The following NTNG2 variants were observed in gnomAD, a reference collection of about 807,000 sequenced individuals.
NTNG2 encodes the protein netrin G2, also known as netrin-G2.
In NTNG2, 15 loss-of-function variants were observed where a neutral mutation model predicts 47.6. The ratio of observed to expected loss-of-function variants is 0.32; its 90% confidence interval spans 0.21 to 0.49. The LOEUF is 0.49. Ranked by LOEUF, NTNG2 falls within the 20% of genes least tolerant of loss-of-function variation. The probability of loss-of-function intolerance (pLI) is 0.99; values close to 1 mark genes in which losing one functional copy is unlikely to be tolerated. For synonymous variants in NTNG2, 307 were observed against 324.6 expected (o/e 0.95, Z 0.58); for missense variants, 578 against 764.6 (o/e 0.76, Z 2.88).
rs1418883512 is a variant in NTNG2 at position 132,242,025 on chromosome 9, G to A, written c.1507G>A (p.Asp503Asn). ...CGACGATGACGGCGGTCTGGACTGC[G>A]ACCGCGCGCCCGGGGCCGCCCCGCG... ...PADDDGGLDC[D>N]RAPGAAPRPA... Residue 503 changes from aspartate to asparagine, a missense_variant, in exon 8 of 8, where the codon GAC becomes AAC. Transcript: ENST00000393229. The surrounding 1 kb of genome is among the most constrained non-coding windows in gnomAD (Gnocchi z 5.9). 3.0e-6 allele frequency: 4 copies of A among 1,343,784 alleles called. No homozygotes were observed. In the African/African-American group the frequency reaches 6.2e-5, roughly 21 times the overall value. 83.2% of individuals were successfully genotyped at this position (1,343,784 alleles called of 1,614,324 possible).
At chr9:132,173,447 T>C (rs2026367) in intron 2 of NTNG2, among the ~76,000 whole-genome samples, 127,598 of 152,226 alleles carry the variant, frequency 0.84, 53,983 homozygotes, top group African/African-American at 0.95. Context: ...AGGGCCCAGA[T>C]GGGACATCTT....
At position 132,236,304 on chromosome 9, in the gene NTNG2, G is replaced by A. The variant is rs921993963; in HGVS notation, c.1055-2800G>A. Among the ~76,000 whole-genome samples, 2 of 152,192 alleles carry A rather than the reference G, an allele frequency of 1.3e-5. No homozygotes were observed. The highest frequency in any genetic ancestry group is 4.8e-5 in the African/African-American group (2 of 41,416). On this transcript the variant is annotated intron_variant, in intron 5 of 7. Coordinates refer to ENST00000393229, the MANE Select transcript of NTNG2 (RefSeq NM_032536.4). The surrounding 1 kb of genome is among the most constrained non-coding windows in gnomAD (Gnocchi z 4.3). ...GTGTGGGTTAAAGGAGGGAGGGCGG[G>A]GTCCTGGAAGACACTGACATCCTCC...
At chr9:132,230,675 A>T (rs1226573885) in intron 5 of NTNG2, 80 bp downstream of exon 5, 3 of 1,460,008 alleles carry the variant, frequency 2.1e-6, no homozygotes, top group Non-Finnish European at 2.8e-6. Flanking sequence ...GCTGGAGAGA[A>T]AAAAGGGGCT....
At chr9:132,230,808 A>C (rs1030658596) in intron 5 of NTNG2, among the ~76,000 whole-genome samples, 2 of 115,088 alleles carry the variant, frequency 1.7e-5, no homozygotes, top group Middle Eastern at 9.8e-3. Context: ...ATCATATGCC[A>C]TGTGTCATGT....
intron 2 of NTNG2, among the ~76,000 whole-genome samples, chr9:132,168,709 C>T (rs2131278075): frequency 6.6e-6 from 1 of 152,280 alleles, no homozygotes; most frequent in Non-Finnish European, 1.5e-5. Flanking sequence ...GGTACTCAGT[C>T]CACATCTCAA....
At chr9:132,230,636 C>T in intron 5 of NTNG2, 41 bp downstream of exon 5, 1 of 1,593,238 alleles carries the variant, frequency 6.3e-7, no homozygotes, top group Non-Finnish European at 8.6e-7. Flanking sequence ...GCCCCCACTG[C>T]ACGAGCCTCT....
In NTNG2 at chr9:132,203,201, A is replaced by C. The variant is rs569180949; in HGVS notation, c.857+4592A>C. ...AACACAACTTACGTGGAAGCCAGGC[A>C]TGGTGGTGTGCGCCTGTAGTCCTAG... is the stretch of plus-strand genomic sequence containing the variant. On this transcript the variant is annotated intron_variant, in intron 3 of 7. Coordinates refer to ENST00000393229, the MANE Select transcript of NTNG2 (RefSeq NM_032536.4). Among the ~76,000 whole-genome samples, 22 of 152,192 alleles carry C rather than the reference A, an allele frequency of 1.4e-4. 1 individual carries two copies. The highest frequency in any genetic ancestry group is 6.2e-4 in the South Asian group (3 of 4,816).
At chr9:132,216,414 C>CTCTCTCTCTCTCTGTGTGTGTG (rs1554790515) in intron 3 of NTNG2, among the ~76,000 whole-genome samples, 4 of 110,332 alleles carry the variant, frequency 3.6e-5, no homozygotes, top group African/African-American at 1.5e-4. Context: ...CTCTCTCTCT[C>CTCTCTCTCTCTCTGTGTGTGTG]TGTGTGTGTG....
intron 3 of NTNG2, among the ~76,000 whole-genome samples, chr9:132,205,368 G>A (rs1463824681): frequency 6.6e-6 from 1 of 152,184 alleles, no homozygotes; most frequent in Non-Finnish European, 1.5e-5. Flanking sequence ...AAAAGGACAA[G>A]TACCATATGA....
At chr9:132,241,298 G>C in intron 7 of NTNG2, 1 of 551,028 alleles carries the variant, frequency 1.8e-6, no homozygotes, top group South Asian at 2.2e-5. Context: ...AGTTGGCAGG[G>C]GCCTGGTGAG....
intron 5 of NTNG2, among the ~76,000 whole-genome samples, chr9:132,234,362 C>T (rs1841468687): frequency 6.6e-6 from 1 of 152,226 alleles, no homozygotes; most frequent in Non-Finnish European, 1.5e-5. Context: ...GCTTGCAGGG[C>T]TTCCCAGTTC....
chr9:132,231,589 G>A lies in NTNG2; in HGVS notation c.1054+994G>A. The A allele has an allele frequency of 6.6e-6, 2 of 304,834 alleles. No individual in the cohort carries two copies. The highest frequency in any genetic ancestry group is 6.5e-6 in the Non-Finnish European group (1 of 154,804). 18.9% of individuals were successfully genotyped at this position (304,834 alleles called of 1,614,324 possible). A position where few individuals can be genotyped will look rare whatever the true frequency, so the allele number is the denominator to read the frequency against. ...CCGTCGTAAGTTGCTTCTCTGTGGT[G>A]TCCCCACCCCGGCAACCCCCCAACC... On this transcript the variant is annotated intron_variant, in intron 5 of 7. Coordinates refer to ENST00000393229, the MANE Select transcript of NTNG2 (RefSeq NM_032536.4). This position sits in a 1 kb window ranked among gnomAD's most constrained non-coding sequence, Gnocchi z 4.1.
chr9:132,188,332 C>T (rs375077085), intron 2 of NTNG2, among the ~76,000 whole-genome samples: 4 of 152,242 alleles, frequency 2.6e-5, no homozygotes, highest in East Asian at 3.8e-4. Flanking sequence ...AGAGACGTGC[C>T]GCCTGCCTCC....
chr9:132,238,757 C>T (rs1480968057), intron 5 of NTNG2, among the ~76,000 whole-genome samples: 1 of 152,242 alleles, frequency 6.6e-6, no homozygotes, highest in African/African-American at 2.4e-5. Context: ...GAATCACTTT[C>T]TAATCACCCC....
At chr9:132,193,553 A>G (rs10123461) in intron 2 of NTNG2, among the ~76,000 whole-genome samples, 1,899 of 152,164 alleles carry the variant, frequency 0.012, 52 homozygotes, top group African/African-American at 0.042. Context: ...GGTTGATAAG[A>G]GCTTTCTGGG....
Position 132,231,830 on chromosome 9 carries a change from TCCTGC to T in NTNG2, c.1054+1236_1054+1240del. 2 of 160,290 alleles carry T rather than the reference TCCTGC, an allele frequency of 1.2e-5. No individual in the cohort carries two copies. The highest frequency in any genetic ancestry group is 5.9e-5 in the Admixed American group (1 of 16,928). The allele number at this position is 160,290 out of a possible 1,614,324, so 9.9% of individuals were successfully genotyped here. On this transcript the variant is annotated intron_variant, in intron 5 of 7. Transcript: ENST00000393229. This position sits in a 1 kb window ranked among gnomAD's most constrained non-coding sequence, Gnocchi z 4.1. ...CAGCGACCCCTGTCATCCCACCCTC[TCCTGC>T]TTCTAGCCTGGGTCCCTGCCTCTCT...
chr9:132,174,290 G>C (rs973926362), intron 2 of NTNG2, among the ~76,000 whole-genome samples: 3 of 138,018 alleles, frequency 2.2e-5, no homozygotes, highest in Admixed American at 6.9e-5. Context: ...AGACAGGCAG[G>C]CCGCACCATG....
chr9:132,184,026 T>C (rs1355655506), intron 2 of NTNG2, among the ~76,000 whole-genome samples: 2 of 152,140 alleles, frequency 1.3e-5, no homozygotes, highest in Non-Finnish European at 2.9e-5. Context: ...CACAAATAGT[T>C]GATGAATAAG....
intron 2 of NTNG2, among the ~76,000 whole-genome samples, chr9:132,178,221 C>T (rs1836631743): frequency 6.6e-6 from 1 of 151,960 alleles, no homozygotes; most frequent in African/African-American, 2.4e-5. Flanking sequence ...TCTTCTCCCT[C>T]TTTCAGGCTG....
Sources: gnomAD v4.1 joint callset for allele counts (sites outside exome capture counted in the v4.1 genomes callset) on GRCh38, gnomAD v4.1.1 for gene constraint, Gnocchi (gnomAD v3.1) non-coding constraint, MANE v1.5 for transcripts, NCBI Gene and HGNC (gene_info 2026-07-23, HGNC 2026-07-21) for gene names.